NRXN1: variants seen among roughly 807,000 people sequenced by gnomAD.
NRXN1 encodes neurexin-1.
A neutral mutation model predicts 150.9 loss-of-function variants in NRXN1; 39 were observed. The observed-to-expected ratio is 0.26, with a 90% CI of 0.20 to 0.34. The LOEUF (loss-of-function observed/expected upper bound fraction) is 0.34. Ranked by LOEUF, NRXN1 falls within the 10% of genes least tolerant of loss-of-function variation. NRXN1 has a pLI of 1.00. For missense variants in NRXN1, 1,815 were observed against 1,949.9 expected (o/e 0.93, Z 1.30); for synonymous variants, 924 against 757.0 (o/e 1.22, Z -3.62).
chr2:50,670,411 A>ACAG (rs3085886), intron 5 of NRXN1, among the ~76,000 whole-genome samples: 1 of 151,628 alleles, frequency 6.6e-6, no homozygotes, highest in Non-Finnish European at 1.5e-5. Context: ...AACGTAAACA[A>ACAG]TATTAAGTAT....
At chr2:50,313,956 G>C (rs2075382618) in intron 17 of NRXN1, among the ~76,000 whole-genome samples, 1 of 152,012 alleles carries the variant, frequency 6.6e-6, no homozygotes, top group African/African-American at 2.4e-5. Context: ...CAAGGAATTT[G>C]TTAGTCTGAC....
chr2:50,499,605 A>G (rs2104936972), intron 13 of NRXN1, among the ~76,000 whole-genome samples: 1 of 152,248 alleles, frequency 6.6e-6, no homozygotes, highest in Admixed American at 6.5e-5. Context: ...AGCTCTAAAG[A>G]CACCAGCAAC....
At chr2:50,212,630 C>T (rs1182045812) in intron 18 of NRXN1, among the ~76,000 whole-genome samples, 4 of 151,778 alleles carry the variant, frequency 2.6e-5, no homozygotes, top group African/African-American at 9.7e-5. Flanking sequence ...TGGTTTGGGA[C>T]ATTACAGTTC....
intron 17 of NRXN1, among the ~76,000 whole-genome samples, chr2:50,348,708 A>G (rs1049740964): frequency 6.6e-6 from 1 of 152,236 alleles, no homozygotes; most frequent in East Asian, 1.9e-4. Context: ...GAAATCTAGC[A>G]ATGCAAGTGA....
intron 5 of NRXN1, among the ~76,000 whole-genome samples, chr2:50,853,106 G>T (rs1286130569): frequency 3.9e-5 from 6 of 152,184 alleles, no homozygotes; most frequent in Non-Finnish European, 7.4e-5. Context: ...TGTAAGAGGA[G>T]CAGTTCTTTG....
In NRXN1 at chr2:50,552,910, A is replaced by G; in HGVS notation, c.1436T>C (p.Leu479Ser). ...TGGGGTTTCAAAGGTGATTGGGTCT[A>G]AAGTTGCAACATTCTCACATTTAAA... ...VAFKCENVATLDPITFETPES... is the reference protein window; with the variant it reads ...VAFKCENVATSDPITFETPES... Residue 479 changes from leucine (L) to serine (S), a missense_variant, in exon 9 of 23, where the codon TTA becomes TCA. Physicochemically the swap from Leu to Ser is moderately radical, Grantham distance 145 (BLOSUM62 -2). Transcript: ENST00000401669. The G allele has an allele frequency of 6.2e-7, 1 of 1,613,952 alleles. No homozygotes were observed. The highest frequency in any genetic ancestry group is 8.5e-7 in the Non-Finnish European group (1 of 1,179,822).
At chr2:50,176,789 C>T (rs201885905) in intron 18 of NRXN1, among the ~76,000 whole-genome samples, 1 of 152,080 alleles carries the variant, frequency 6.6e-6, no homozygotes, top group African/African-American at 2.4e-5. Context: ...CCCTGGTCTT[C>T]CCAAATCACT....
intron 21 of NRXN1, among the ~76,000 whole-genome samples, chr2:50,026,859 C>G (rs1236716889): frequency 1.5e-5 from 1 of 65,234 alleles, no homozygotes; most frequent in Non-Finnish European, 2.7e-5. Context: ...CTTTTCTTTT[C>G]TTTTTTTTTT....
intron 5 of NRXN1, among the ~76,000 whole-genome samples, chr2:50,759,620 TA>T (rs1701561238): frequency 6.6e-6 from 1 of 151,958 alleles, no homozygotes; most frequent in East Asian, 1.9e-4. Context: ...CATAAGTTAT[TA>T]AAGGGCTGAT....
chr2:50,173,098 T>C (rs888776954), intron 18 of NRXN1, among the ~76,000 whole-genome samples: 26 of 152,230 alleles, frequency 1.7e-4, no homozygotes, highest in African/African-American at 6.3e-4. Context: ...TAGAATTGTA[T>C]CTTGTAGTCC....
chr2:50,862,422 C>G (rs1676272496), intron 5 of NRXN1, among the ~76,000 whole-genome samples: 1 of 151,998 alleles, frequency 6.6e-6, no homozygotes, highest in East Asian at 1.9e-4. Context: ...CAGACCCACC[C>G]TTAGCTAAGA....
intron 5 of NRXN1, among the ~76,000 whole-genome samples, chr2:50,874,048 A>G (rs1001236135): frequency 6.6e-6 from 1 of 151,924 alleles, no homozygotes; most frequent in African/African-American, 2.4e-5. Context: ...GACACAACGT[A>G]GTATTTTGGC....
intron 18 of NRXN1, among the ~76,000 whole-genome samples, chr2:50,192,015 T>TG (rs2061477186): frequency 2.6e-5 from 4 of 152,144 alleles, no homozygotes; most frequent in African/African-American, 9.6e-5. Flanking sequence ...CATACTTTCA[T>TG]AAAGTTTTTT....
At chr2:50,197,264 T>C (rs532980647) in intron 18 of NRXN1, among the ~76,000 whole-genome samples, 1 of 152,126 alleles carries the variant, frequency 6.6e-6, no homozygotes, top group East Asian at 1.9e-4. Flanking sequence ...GGGAAAGAGG[T>C]CAAAAGCACA....
At chr2:50,501,394 T>TGTGA (rs2091934892) in intron 13 of NRXN1, among the ~76,000 whole-genome samples, 1 of 94,476 alleles carries the variant, frequency 1.1e-5, no homozygotes, top group African/African-American at 5.6e-5. Context: ...TATGTGTGTG[T>TGTGA]GTGTGAGTGT....
intron 18 of NRXN1, among the ~76,000 whole-genome samples, chr2:50,214,033 T>C (rs996210281): frequency 1.3e-5 from 2 of 151,996 alleles, no homozygotes. Context: ...TTGTTGTTTA[T>C]TTTGTGCTTT....
At chr2:50,482,125 A>T (rs1182153252) in intron 15 of NRXN1, among the ~76,000 whole-genome samples, 1 of 152,170 alleles carries the variant, frequency 6.6e-6, no homozygotes, top group Admixed American at 6.5e-5. Context: ...AGATTTTTTT[A>T]AAGTATGATT....
chr2:49,932,802 C>T (rs1475929590), intron 22 of NRXN1, among the ~76,000 whole-genome samples: 2 of 152,136 alleles, frequency 1.3e-5, no homozygotes, highest in African/African-American at 2.4e-5. Flanking sequence ...ATACATTTTA[C>T]ACATAAATTT....
At chr2:50,827,758 C>G (rs967434775) in intron 5 of NRXN1, among the ~76,000 whole-genome samples, 3 of 151,412 alleles carry the variant, frequency 2.0e-5, no homozygotes, top group East Asian at 1.9e-4. Flanking sequence ...TGCGGCCTTC[C>G]GCAGTGTTTG....
Sources: allele counts gnomAD v4.1 joint callset (sites outside exome capture counted in the v4.1 genomes callset), GRCh38; gene constraint gnomAD v4.1.1; transcripts MANE v1.5; gene names NCBI Gene and HGNC (gene_info 2026-07-23, HGNC 2026-07-21).